Variants in CPED1 observed in about 807,000 individuals in gnomAD.
CPED1 encodes the protein cadherin like and PC-esterase domain containing 1, also known as cadherin-like and PC-esterase domain-containing protein 1.
A neutral mutation model predicts 128.2 loss-of-function variants in CPED1; 114 were observed. That is an observed-to-expected ratio of 0.89 (90% CI 0.76 to 1.04). The LOEUF (loss-of-function observed/expected upper bound fraction) is 1.04. Ranked by LOEUF, CPED1 falls within the 50% of genes least tolerant of loss-of-function variation. CPED1 has a pLI of 0.00. For missense variants in CPED1, 1,211 were observed against 1,207.1 expected (o/e 1.00, Z -0.05); for synonymous variants, 462 against 426.7 (o/e 1.08, Z -1.02).
At chr7:121,201,449 A>G (rs547702957) in intron 16 of CPED1, among the ~76,000 whole-genome samples, 2 of 113,404 alleles carry the variant, frequency 1.8e-5, no homozygotes, top group African/African-American at 6.3e-5. Flanking sequence ...AGAAAGAGAA[A>G]GAGAGAAAGA....
chr7:121,003,235 G>A (rs1039527282), intron 2 of CPED1, among the ~76,000 whole-genome samples: 6 of 152,106 alleles, frequency 3.9e-5, no homozygotes, highest in Admixed American at 2.0e-4. Flanking sequence ...GCCTTCCTAA[G>A]AAGACCAAAG....
intron 16 of CPED1, among the ~76,000 whole-genome samples, chr7:121,182,551 T>G (rs1480848591): frequency 1.3e-5 from 2 of 151,980 alleles, no homozygotes; most frequent in Non-Finnish European, 2.9e-5. Flanking sequence ...CTATCCCCTT[T>G]TCATTTCTCC....
intron 16 of CPED1, among the ~76,000 whole-genome samples, chr7:121,148,818 T>C (rs1411112120): frequency 2.6e-5 from 4 of 152,194 alleles, no homozygotes; most frequent in Admixed American, 1.3e-4. Flanking sequence ...ATAGTGTTGA[T>C]ATAAAGACAA....
At chr7:121,044,364 G>A (rs762377046) in intron 3 of CPED1, among the ~76,000 whole-genome samples, 8 of 152,074 alleles carry the variant, frequency 5.3e-5, no homozygotes, top group Non-Finnish European at 1.0e-4. Flanking sequence ...GGAAACAATC[G>A]GCATTTTTAG....
intron 16 of CPED1, among the ~76,000 whole-genome samples, chr7:121,153,728 A>C (rs1334809018): frequency 2.6e-5 from 4 of 152,206 alleles, no homozygotes; most frequent in African/African-American, 9.7e-5. Flanking sequence ...CAAGATTGTT[A>C]AAGTAAGTAC....
intron 3 of CPED1, among the ~76,000 whole-genome samples, chr7:121,041,306 A>G (rs1191831171): frequency 6.6e-6 from 1 of 152,106 alleles, no homozygotes; most frequent in Admixed American, 6.6e-5. Flanking sequence ...ATTTAGCAGT[A>G]AACAAAATAG....
At chr7:121,200,346 A>T (rs1399189641) in intron 16 of CPED1, among the ~76,000 whole-genome samples, 1 of 152,106 alleles carries the variant, frequency 6.6e-6, no homozygotes, top group Non-Finnish European at 1.5e-5. Context: ...GTCAATGCAT[A>T]CTGTGGATTT....
At chr7:121,209,049 T>C (rs1217268651) in intron 16 of CPED1, among the ~76,000 whole-genome samples, 1 of 152,066 alleles carries the variant, frequency 6.6e-6, no homozygotes, top group Non-Finnish European at 1.5e-5. Flanking sequence ...GATTTTGTTG[T>C]TGTTGTTGTG....
chr7:121,085,357 C>T (rs1224906538), intron 5 of CPED1, among the ~76,000 whole-genome samples: 4 of 152,178 alleles, frequency 2.6e-5, no homozygotes, highest in Admixed American at 6.5e-5. Context: ...TTTAGTTTTC[C>T]AAAGCCTGAA....
intron 18 of CPED1, among the ~76,000 whole-genome samples, chr7:121,253,491 C>G (rs904344680): frequency 1.3e-5 from 2 of 151,910 alleles, no homozygotes; most frequent in South Asian, 4.2e-4. Flanking sequence ...AGGAACATAG[C>G]TCACTGGCAC....
chr7:121,055,390 G>T (rs1022291499), intron 4 of CPED1, among the ~76,000 whole-genome samples: 2 of 151,836 alleles, frequency 1.3e-5, no homozygotes, highest in African/African-American at 4.8e-5. Context: ...CCTGCCTTCA[G>T]GGTTACTTTA....
chr7:121,016,795 A>G (rs1356586603), intron 3 of CPED1, among the ~76,000 whole-genome samples: 1 of 152,206 alleles, frequency 6.6e-6, no homozygotes, highest in Non-Finnish European at 1.5e-5. Context: ...TTTTCTCTTT[A>G]TGATTGTACA....
At chr7:121,156,705 GA>G (rs75157528) in intron 16 of CPED1, among the ~76,000 whole-genome samples, 66,691 of 151,690 alleles carry the variant, frequency 0.44, 15,914 homozygotes, top group East Asian at 0.84. Flanking sequence ...AGGATGGAAG[GA>G]AAAAAGAATA....
At position 121,135,222 on chromosome 7, in the gene CPED1, G is replaced by GA. The variant is rs1242787458; in HGVS notation, c.1649-811dup. Among the ~76,000 whole-genome samples, 5 of 151,512 alleles carry GA rather than the reference G, an allele frequency of 3.3e-5. No homozygotes were observed. In the South Asian group the frequency reaches 6.3e-4, roughly 19 times the overall value. On this transcript the variant is annotated intron_variant, in intron 13 of 22. Transcript: ENST00000310396. Reference sequence around the variant, plus strand: ...AGAACATCTGAGCTTTTTGTTACAAGAAAAAAACTACTTCTAATTTTAAAA... The same window carrying GA: ...AGAACATCTGAGCTTTTTGTTACAAGAAAAAAAACTACTTCTAATTTTAAAA...
chr7:121,216,689 T>G (rs1689620413), intron 16 of CPED1, among the ~76,000 whole-genome samples: 1 of 151,944 alleles, frequency 6.6e-6, no homozygotes, highest in South Asian at 2.1e-4. Flanking sequence ...ATGCTGCAAG[T>G]TTTTCCTTAT....
In CPED1 at chr7:120,989,627, C is replaced by A; in HGVS notation, c.6C>A (p.Val2=). Residue 2 remains valine (V), a synonymous_variant, in exon 2 of 23, where the codon GTC becomes GTA. Transcript: ENST00000310396. Reference sequence around the variant, plus strand: ...CAAGTGAAGCTGAACTGGTCATGGTCTGTCGCCCAGTGTTCCCTTGTCGTC... The same window carrying A: ...CAAGTGAAGCTGAACTGGTCATGGTATGTCGCCCAGTGTTCCCTTGTCGTC... M[V]CRPVFPCRRR... 5 of 1,614,010 alleles carry A rather than the reference C, an allele frequency of 3.1e-6. No homozygotes were observed. In the South Asian group the frequency reaches 3.3e-5, roughly 11 times the overall value.
intron 5 of CPED1, among the ~76,000 whole-genome samples, chr7:121,082,318 C>T (rs556383371): frequency 6.6e-6 from 1 of 152,086 alleles, no homozygotes; most frequent in African/African-American, 2.4e-5. Context: ...GATTGATTTG[C>T]AGAAAGCAAT....
intron 7 of CPED1, among the ~76,000 whole-genome samples, chr7:121,109,936 G>C (rs1795065920): frequency 6.6e-6 from 1 of 152,166 alleles, no homozygotes; most frequent in African/African-American, 2.4e-5. Flanking sequence ...CTTTCAGGCT[G>C]AGTAATAAGC....
intron 4 of CPED1, 113 bp from the exon 5 acceptor site, chr7:121,064,125 G>T: frequency 1.5e-6 from 1 of 662,616 alleles, no homozygotes; most frequent in Non-Finnish European, 2.8e-6. Flanking sequence ...GTGGGGTGTG[G>T]GTGGTTTAGA....
Sources: gnomAD v4.1 joint callset for allele counts (sites outside exome capture counted in the v4.1 genomes callset) on GRCh38, gnomAD v4.1.1 for gene constraint, MANE v1.5 for transcripts, NCBI Gene and HGNC (gene_info 2026-07-23, HGNC 2026-07-21) for gene names.